Variants in ROBO1 observed in about 807,000 individuals in gnomAD.
ROBO1 encodes roundabout homolog 1.
A neutral mutation model predicts 195.9 loss-of-function variants in ROBO1; 149 were observed. The observed-to-expected ratio is 0.76, with a 90% confidence interval of 0.67 to 0.87. The LOEUF is 0.87. ROBO1 is among the 40% of genes least tolerant of loss of function. The probability of loss-of-function intolerance (pLI) is 0.00; values close to 1 mark genes in which losing one functional copy is unlikely to be tolerated. For synonymous variants in ROBO1, 816 were observed against 733.2 expected (o/e 1.11, Z -1.82); for missense variants, 1,933 against 2,068.3 (o/e 0.93, Z 1.27).
At chr3:79,601,938 G>T (rs992236013) in intron 1 of ROBO1, among the ~76,000 whole-genome samples, 1 of 151,804 alleles carries the variant, frequency 6.6e-6, no homozygotes, top group African/African-American at 2.4e-5. Flanking sequence ...ATATGGGGTT[G>T]GAATTTTTAG....
chr3:79,703,542 C>T (rs1309101846), intron 1 of ROBO1, among the ~76,000 whole-genome samples: 2 of 151,812 alleles, frequency 1.3e-5, no homozygotes, highest in Non-Finnish European at 1.5e-5. Flanking sequence ...TTATCATCTT[C>T]ATAATTTTGA....
chr3:79,267,235 T>C (rs887985808), intron 2 of ROBO1, among the ~76,000 whole-genome samples: 5 of 151,510 alleles, frequency 3.3e-5, no homozygotes, highest in African/African-American at 1.2e-4. Flanking sequence ...AAGAGGAATA[T>C]ATAATAAAAA....
At chr3:78,890,222 A>G (rs954575886) in intron 4 of ROBO1, among the ~76,000 whole-genome samples, 1 of 152,156 alleles carries the variant, frequency 6.6e-6, no homozygotes, top group African/African-American at 2.4e-5. Context: ...ACCATGTATA[A>G]ATAAAGAATT....
At chr3:78,937,642 A>G (rs991684561) in intron 4 of ROBO1, among the ~76,000 whole-genome samples, 1 of 152,154 alleles carries the variant, frequency 6.6e-6, no homozygotes, top group African/African-American at 2.4e-5. Context: ...TATAGATACA[A>G]CAGTTTAATG....
At chr3:78,988,486 C>T (rs1488223382) in intron 3 of ROBO1, among the ~76,000 whole-genome samples, 1 of 152,162 alleles carries the variant, frequency 6.6e-6, no homozygotes, top group Non-Finnish European at 1.5e-5. Context: ...AGGCACACTA[C>T]ATTACTTTTA....
chr3:78,918,034 T>C (rs1402248258), intron 4 of ROBO1, among the ~76,000 whole-genome samples: 1 of 152,222 alleles, frequency 6.6e-6, no homozygotes, highest in East Asian at 1.9e-4. Flanking sequence ...GGAAATGCCA[T>C]GCAAAGGCTT....
chr3:79,446,754 C>A (rs2039272641), intron 2 of ROBO1, among the ~76,000 whole-genome samples: 1 of 152,152 alleles, frequency 6.6e-6, no homozygotes, highest in African/African-American at 2.4e-5. Context: ...GTCTTGTCTT[C>A]TTTGCTTAAG....
At chr3:79,089,728 C>T (rs1414178241) in intron 3 of ROBO1, among the ~76,000 whole-genome samples, 1 of 152,048 alleles carries the variant, frequency 6.6e-6, no homozygotes, top group Non-Finnish European at 1.5e-5. Flanking sequence ...TAAGAATATT[C>T]ATGATTGTAT....
At chr3:79,765,832 C>A (rs749139202) in intron 1 of ROBO1, among the ~76,000 whole-genome samples, 2 of 152,144 alleles carry the variant, frequency 1.3e-5, no homozygotes, top group African/African-American at 2.4e-5. Context: ...CCTGCATCTA[C>A]GCTCCTTCCT....
At chr3:78,755,339 TG>T (rs2082902077) in intron 4 of ROBO1, among the ~76,000 whole-genome samples, 1 of 152,060 alleles carries the variant, frequency 6.6e-6, no homozygotes, top group Non-Finnish European at 1.5e-5. Flanking sequence ...CTAGGCATGG[TG>T]GTGCTCACCA....
intron 1 of ROBO1, among the ~76,000 whole-genome samples, chr3:79,598,181 CAGAT>C (rs1944236702): frequency 6.6e-6 from 1 of 152,006 alleles, no homozygotes; most frequent in African/African-American, 2.4e-5. Context: ...TGATTGAGGT[CAGAT>C]AAAGAGTCAA....
At chr3:79,170,004 C>T (rs933170715) in intron 2 of ROBO1, among the ~76,000 whole-genome samples, 12 of 151,918 alleles carry the variant, frequency 7.9e-5, no homozygotes, top group Admixed American at 2.0e-4. Context: ...AAAATGTAAA[C>T]GTTTATAGTC....
chr3:79,667,794 A>G (rs1946516487), intron 1 of ROBO1, among the ~76,000 whole-genome samples: 1 of 151,752 alleles, frequency 6.6e-6, no homozygotes, highest in African/African-American at 2.4e-5. Flanking sequence ...TGTTCCTTAT[A>G]TTAAAATAAA....
At chr3:79,654,000 G>A (rs973330955) in intron 1 of ROBO1, among the ~76,000 whole-genome samples, 1 of 151,856 alleles carries the variant, frequency 6.6e-6, no homozygotes, top group Non-Finnish European at 1.5e-5. Flanking sequence ...TGAAGCTATC[G>A]ATTTGTGAGT....
At chr3:79,013,391 C>T (rs112070352) in intron 3 of ROBO1, among the ~76,000 whole-genome samples, 2,513 of 152,218 alleles carry the variant, frequency 0.017, 61 homozygotes, top group African/African-American at 0.056. Context: ...ATAATCAAGG[C>T]TCAATGTGAA....
intron 2 of ROBO1, among the ~76,000 whole-genome samples, chr3:79,318,497 T>TCATCCTGGTA (rs752538894): frequency 6.6e-6 from 1 of 152,210 alleles, no homozygotes; most frequent in Non-Finnish European, 1.5e-5. Flanking sequence ...AGTACAGCAT[T>TCATCCTGGTA]CAGTTTAACA....
chr3:79,153,203 G>A (rs2080802678), intron 2 of ROBO1, among the ~76,000 whole-genome samples: 1 of 151,688 alleles, frequency 6.6e-6, no homozygotes, highest in African/African-American at 2.4e-5. Context: ...AATTCAAGCT[G>A]AAGACTTCCA....
chr3:79,411,405 C>G (rs1475281725), intron 2 of ROBO1, among the ~76,000 whole-genome samples: 1 of 152,080 alleles, frequency 6.6e-6, no homozygotes, highest in Non-Finnish European at 1.5e-5. Context: ...GTTAGTGACT[C>G]TAGACAGTAA....
At position 79,687,082 on chromosome 3, in the gene ROBO1, T is replaced by C. The variant is rs138806779; in HGVS notation, c.-51+80670A>G. Among the ~76,000 whole-genome samples, 1,065 of 152,292 alleles carry C rather than the reference T, an allele frequency of 7.0e-3. 18 individuals are homozygous for C. Among genetic ancestry groups the C allele is most frequent in the African/African-American group, 0.022 (935 of 41,562 alleles). On this transcript the variant is annotated intron_variant, in intron 1 of 30. Coordinates refer to ENST00000464233, the MANE Select transcript of ROBO1 (RefSeq NM_002941.4). Reference sequence around the variant, plus strand: ...ATGCCGCTTATCTACAACCGTCTGATCTTTGACAAACCTGAGAAAAACAAG... The same window carrying C: ...ATGCCGCTTATCTACAACCGTCTGACCTTTGACAAACCTGAGAAAAACAAG...
Sources: allele counts gnomAD v4.1 joint callset (sites outside exome capture counted in the v4.1 genomes callset), GRCh38; gene constraint gnomAD v4.1.1; transcripts MANE v1.5; gene names NCBI Gene and HGNC (gene_info 2026-07-23, HGNC 2026-07-21).